SYNPO2: variants seen among roughly 807,000 people sequenced by gnomAD.
SYNPO2 encodes synaptopodin-2.
Under a neutral mutation model 85.0 loss-of-function variants are expected in SYNPO2, and 56 were observed. The ratio of observed to expected loss-of-function variants is 0.66; its 90% confidence interval spans 0.53 to 0.82. The LOEUF (loss-of-function observed/expected upper bound fraction) is 0.82, where lower values mean the gene tolerates loss of function less well. Among genes scored for constraint, SYNPO2 ranks in the 40% least tolerant of loss-of-function variants. The probability of loss-of-function intolerance (pLI) is 0.00; values close to 1 mark genes in which losing one functional copy is unlikely to be tolerated. For synonymous variants in SYNPO2, 602 were observed against 591.1 expected (o/e 1.02, Z -0.27); for missense variants, 1,575 against 1,534.2 (o/e 1.03, Z -0.44).
chr4:118,968,627 T>C (rs762471476), intron 1 of SYNPO2, among the ~76,000 whole-genome samples: 4 of 152,204 alleles, frequency 2.6e-5, no homozygotes, highest in Non-Finnish European at 1.5e-5. Context: ...ACTGGATTTG[T>C]GTGGGTTTGC....
intron 1 of SYNPO2, among the ~76,000 whole-genome samples, chr4:119,003,362 G>C (rs1335302755): frequency 6.6e-6 from 1 of 152,154 alleles, no homozygotes. Context: ...CCACCCCCAT[G>C]ATCCAATCAC....
chr4:119,041,056 T>C (rs1325260893), intron 4 of SYNPO2, among the ~76,000 whole-genome samples: 1 of 152,234 alleles, frequency 6.6e-6, no homozygotes, highest in Non-Finnish European at 1.5e-5. Flanking sequence ...AGGAACTTAA[T>C]ATTCCAGCTG....
intron 1 of SYNPO2, among the ~76,000 whole-genome samples, chr4:118,922,900 T>C (rs1179214514): frequency 6.6e-6 from 1 of 152,152 alleles, no homozygotes; most frequent in Non-Finnish European, 1.5e-5. Context: ...GTATCATCCA[T>C]ATAGTATAGT....
At chr4:119,051,174 C>T (rs1049747116) in intron 4 of SYNPO2, among the ~76,000 whole-genome samples, 1 of 131,968 alleles carries the variant, frequency 7.6e-6, no homozygotes, top group Non-Finnish European at 1.6e-5. Context: ...TGGGGTAAAG[C>T]CATGGGAAGC....
chr4:118,937,912 T>C (rs1231126463), intron 1 of SYNPO2, among the ~76,000 whole-genome samples: 2 of 152,238 alleles, frequency 1.3e-5, no homozygotes, highest in African/African-American at 4.8e-5. Flanking sequence ...AACCTATATG[T>C]ATCCTCCCAT....
At chr4:119,044,535 T>C (rs1455928593) in intron 4 of SYNPO2, among the ~76,000 whole-genome samples, 12 of 152,176 alleles carry the variant, frequency 7.9e-5, no homozygotes, top group African/African-American at 2.4e-4. Flanking sequence ...TTTATTTTTA[T>C]TTATTTTATT....
intron 1 of SYNPO2, among the ~76,000 whole-genome samples, chr4:118,935,437 T>G (rs568202574): frequency 2.0e-5 from 3 of 152,386 alleles, no homozygotes; most frequent in Admixed American, 2.0e-4. Context: ...ATTTTTAAAT[T>G]TTTATAAATT....
chr4:118,926,046 G>A (rs530163977), intron 1 of SYNPO2, among the ~76,000 whole-genome samples: 96 of 152,328 alleles, frequency 6.3e-4, no homozygotes, highest in Non-Finnish European at 1.1e-3. Context: ...CCACCAGGCA[G>A]ATGAGTAGGA....
upstream of SYNPO2, among the ~76,000 whole-genome samples, chr4:118,887,130 A>T (rs2149111984): frequency 6.6e-6 from 1 of 151,688 alleles, no homozygotes; most frequent in South Asian, 2.1e-4. Context: ...TGCTCATGAG[A>T]TGAACTGGCA....
At chr4:118,890,733 C>CTCTGTG (rs749295331) in intron 1 of SYNPO2, among the ~76,000 whole-genome samples, 2,051 of 126,102 alleles carry the variant, frequency 0.016, 30 homozygotes, top group Non-Finnish European at 0.027. Flanking sequence ...CTCTCTCTCT[C>CTCTGTG]TGTGTGTGTG....
At chr4:118,876,682 T>A (rs1731923325) in intron 1 of SYNPO2, among the ~76,000 whole-genome samples, 3 of 47,488 alleles carry the variant, frequency 6.3e-5, no homozygotes, top group African/African-American at 2.7e-4. Context: ...TCTTTCTTTC[T>A]TTCTTTCTTT....
intron 4 of SYNPO2, chr4:119,032,543 C>G (rs992475370): frequency 1.0e-6 from 1 of 1,000,264 alleles, no homozygotes; most frequent in African/African-American, 1.7e-5. Flanking sequence ...GGGAGCAGCT[C>G]TGGTCTGTCA....
chr4:118,876,790 T>C (rs1408675385), intron 1 of SYNPO2, among the ~76,000 whole-genome samples: 1 of 151,136 alleles, frequency 6.6e-6, no homozygotes, highest in African/African-American at 2.4e-5. Flanking sequence ...TTCTTTTTTT[T>C]TCTTTCTTCC....
intron 1 of SYNPO2, among the ~76,000 whole-genome samples, chr4:118,956,373 T>A (rs1734875168): frequency 1.3e-5 from 2 of 152,186 alleles, no homozygotes; most frequent in South Asian, 4.1e-4. Context: ...AAAACTATTG[T>A]GGTCAACCGT....
intron 1 of SYNPO2, among the ~76,000 whole-genome samples, chr4:118,945,346 T>C (rs1423941577): frequency 1.3e-5 from 2 of 152,194 alleles, no homozygotes; most frequent in Non-Finnish European, 2.9e-5. Flanking sequence ...TAAGAAAATA[T>C]TGGCAGGAAA....
At chr4:118,970,981 C>T (rs1205970777) in intron 1 of SYNPO2, among the ~76,000 whole-genome samples, 1 of 152,120 alleles carries the variant, frequency 6.6e-6, no homozygotes, top group Non-Finnish European at 1.5e-5. Context: ...ACTTTGTCTC[C>T]TTAGACAGGC....
intron 1 of SYNPO2, among the ~76,000 whole-genome samples, chr4:118,866,192 ATT>A (rs1317610204): frequency 6.6e-6 from 1 of 152,144 alleles, no homozygotes; most frequent in Non-Finnish European, 1.5e-5. Context: ...GGGCCAGATA[ATT>A]CATTATTTGT....
intron 1 of SYNPO2, among the ~76,000 whole-genome samples, chr4:118,899,359 T>C (rs907153179): frequency 6.6e-6 from 1 of 152,226 alleles, no homozygotes; most frequent in Non-Finnish European, 1.5e-5. Context: ...TATTTTATTT[T>C]CTTGACAATA....
At chr4:118,872,516 T>A (rs1731821415) in intron 1 of SYNPO2, among the ~76,000 whole-genome samples, 1 of 152,236 alleles carries the variant, frequency 6.6e-6, no homozygotes, top group Non-Finnish European at 1.5e-5. Flanking sequence ...TAGTTTTTTT[T>A]AAGTTAGCAA....
Sources: allele counts gnomAD v4.1 joint callset (sites outside exome capture counted in the v4.1 genomes callset), GRCh38; gene constraint gnomAD v4.1.1; transcripts MANE v1.5; gene names NCBI Gene and HGNC (gene_info 2026-07-23, HGNC 2026-07-21).